Variants in BRINP3 observed in about 807,000 individuals in gnomAD.
BRINP3 encodes the protein BMP/retinoic acid-inducible neural-specific protein 3.
A neutral mutation model predicts 71.0 loss-of-function variants in BRINP3; 19 were observed. The ratio of observed to expected loss-of-function variants is 0.27; its 90% CI spans 0.19 to 0.39. BRINP3 has a LOEUF of 0.39. BRINP3 is among the 10% of genes least tolerant of loss of function. BRINP3 has a pLI of 1.00. For missense variants in BRINP3, 959 were observed against 940.8 expected (o/e 1.02, Z -0.25); for synonymous variants, 380 against 337.7 (o/e 1.13, Z -1.37).
Position 190,098,093 on chromosome 1 carries a change from G to C in BRINP3, c.2226C>G (p.Ile742Met). ...LKLSTSEVVR[I>M]QSALQAFNAK... ...CATTAAACGCCTGCAGAGCAGATTG[G>C]ATCCTCACCACCTCACTAGTAGACA... The change falls in exon 8 of 8, where the codon ATC becomes ATG. Residue 742 changes from isoleucine (I) to methionine (M), a missense_variant. By Grantham distance (10) the Ile-to-Met change is conservative. Coordinates refer to ENST00000367462, the MANE Select transcript of BRINP3 (RefSeq NM_199051.3). 1.2e-6 allele frequency: 2 copies of C among 1,614,150 alleles called. No homozygotes were observed. The highest frequency in any genetic ancestry group is 1.7e-6 in the Non-Finnish European group (2 of 1,180,022).
intron 3 of BRINP3, among the ~76,000 whole-genome samples, chr1:190,278,241 A>C (rs1571611386): frequency 6.6e-6 from 1 of 151,754 alleles, no homozygotes; most frequent in Non-Finnish European, 1.5e-5. Flanking sequence ...CCTAGTCATA[A>C]TACAACTGGC....
chr1:190,297,857 G>T (rs1289781363), intron 2 of BRINP3, among the ~76,000 whole-genome samples: 1 of 149,822 alleles, frequency 6.7e-6, no homozygotes, highest in Non-Finnish European at 1.5e-5. Flanking sequence ...TTGTTATCAG[G>T]GTAACAGTAG....
At chr1:190,320,664 C>T (rs984889216) in intron 2 of BRINP3, among the ~76,000 whole-genome samples, 1 of 151,944 alleles carries the variant, frequency 6.6e-6, no homozygotes, top group African/African-American at 2.4e-5. Flanking sequence ...GTCATAGTCA[C>T]TCCCACCCCC....
chr1:190,277,536 T>C (rs1260792310), intron 3 of BRINP3, among the ~76,000 whole-genome samples: 1 of 151,700 alleles, frequency 6.6e-6, no homozygotes, highest in Admixed American at 6.6e-5. Context: ...TTCCTTAGTG[T>C]TTTGTCTTTT....
rs1478631876 is a variant in BRINP3 at position 190,160,785 on chromosome 1, T to C, written c.1067A>G (p.Glu356Gly). The change falls in exon 7 of 8, where the codon GAA becomes GGA. Residue 356 changes from glutamate to glycine, a missense_variant. Physicochemically the swap from Glu to Gly is moderately conservative, Grantham distance 98. Transcript: ENST00000367462. ...TMDSNFQRRY[E>G]QLENSMKQLF... Reference sequence around the variant, plus strand: ...TTGTTTCATGCTGTTCTCCAGTTGTTCATAACGGCGCTGAAAATTAGAATC... The same window carrying C: ...TTGTTTCATGCTGTTCTCCAGTTGTCCATAACGGCGCTGAAAATTAGAATC... 6.2e-7 allele frequency: 1 copy of C among 1,613,686 alleles called. No homozygotes were observed.
chr1:190,461,719 G>T (rs1371436901), intron 1 of BRINP3, among the ~76,000 whole-genome samples: 3 of 152,054 alleles, frequency 2.0e-5, no homozygotes, highest in East Asian at 3.9e-4. Flanking sequence ...ATAATAAAAA[G>T]AAAATTTATT....
chr1:190,146,258 T>C (rs993333334), intron 7 of BRINP3, among the ~76,000 whole-genome samples: 1 of 152,206 alleles, frequency 6.6e-6, no homozygotes, highest in Non-Finnish European at 1.5e-5. Context: ...TATTAGATTA[T>C]GATAAAATAA....
chr1:190,290,711 T>C (rs982766698), intron 2 of BRINP3, among the ~76,000 whole-genome samples: 5 of 152,160 alleles, frequency 3.3e-5, no homozygotes, highest in Non-Finnish European at 5.9e-5. Context: ...TGTGTGCTCT[T>C]TTTATCTCCT....
In BRINP3 at chr1:190,226,276, A is replaced by G. The variant is rs766847160; in HGVS notation, c.767T>C (p.Val256Ala). The G allele has an allele frequency of 6.2e-7, 1 of 1,610,012 alleles. No individual in the cohort carries two copies. Among genetic ancestry groups the G allele is most frequent in the Admixed American group, 1.7e-5 (1 of 59,400 alleles). ...LLPDYLQERF[V>A]QAALSYIACN... is the part of the protein sequence containing the mutation. ...AGCAATGTAGCTCAAAGCTGCTTGTACAAAACGTTCCTGAAGATAGTCTGG... is the reference window on the plus strand; with the variant it reads ...AGCAATGTAGCTCAAAGCTGCTTGTGCAAAACGTTCCTGAAGATAGTCTGG... Residue 256 changes from valine (V) to alanine (A), a missense_variant, in exon 6 of 8, where the codon GTA (valine) becomes GCA (alanine). By Grantham distance (64) the Val-to-Ala change is moderately conservative. Coordinates refer to ENST00000367462, the MANE Select transcript of BRINP3 (RefSeq NM_199051.3).
chr1:190,212,713 A>G (rs1208603831), intron 6 of BRINP3, among the ~76,000 whole-genome samples: 1 of 152,066 alleles, frequency 6.6e-6, no homozygotes, highest in African/African-American at 2.4e-5. Flanking sequence ...TTAGCTAGAC[A>G]CACATTACAT....
chr1:190,442,448 G>C (rs1674889259), intron 2 of BRINP3, among the ~76,000 whole-genome samples: 1 of 152,088 alleles, frequency 6.6e-6, no homozygotes. Context: ...CCAGGGAACT[G>C]TCCATCACAA....
At position 190,389,039 on chromosome 1, in the gene BRINP3, A is replaced by G. The variant is rs139833753; in HGVS notation, c.236+65616T>C. On this transcript the variant is annotated intron_variant, in intron 2 of 7. Coordinates refer to ENST00000367462, the MANE Select transcript of BRINP3 (RefSeq NM_199051.3). ...AATGCTGAATAAAGGTAAAGTATGAAGTACCTATAAGGTAACTAAGATTAG... is the reference window on the plus strand; with the variant it reads ...AATGCTGAATAAAGGTAAAGTATGAGGTACCTATAAGGTAACTAAGATTAG... Among the ~76,000 whole-genome samples, 4 of 151,926 alleles carry G rather than the reference A, an allele frequency of 2.6e-5. No individual in the cohort carries two copies. The East Asian group carries it at 7.8e-4, about 29-fold the overall frequency.
intron 5 of BRINP3, among the ~76,000 whole-genome samples, 153 bp from the exon 6 acceptor site, chr1:190,226,471 T>C (rs1334262338): frequency 6.6e-6 from 1 of 152,044 alleles, no homozygotes; most frequent in African/African-American, 2.4e-5. Context: ...TCTAAGTCTA[T>C]ATGCTGCAAA....
intron 7 of BRINP3, among the ~76,000 whole-genome samples, chr1:190,147,900 C>T (rs906156556): frequency 1.3e-5 from 2 of 152,196 alleles, no homozygotes; most frequent in African/African-American, 4.8e-5. Flanking sequence ...TAGAAATAAA[C>T]AGGCCTGGAT....
At chr1:190,342,982 C>A (rs1241246440) in intron 2 of BRINP3, among the ~76,000 whole-genome samples, 1 of 151,772 alleles carries the variant, frequency 6.6e-6, no homozygotes, top group Admixed American at 6.6e-5. Context: ...AGGAGGTAGA[C>A]TTCATTCAGT....
intron 2 of BRINP3, among the ~76,000 whole-genome samples, chr1:190,390,975 T>C (rs1449782415): frequency 2.0e-5 from 3 of 151,890 alleles, no homozygotes; most frequent in East Asian, 3.9e-4. Flanking sequence ...TTAGAGTAAT[T>C]CTGAAGTTCT....
intron 2 of BRINP3, among the ~76,000 whole-genome samples, chr1:190,356,596 A>G (rs1212082939): frequency 1.3e-5 from 2 of 151,952 alleles, no homozygotes; most frequent in Non-Finnish European, 2.9e-5. Flanking sequence ...CTATGGTCAC[A>G]TCTTGTTCTC....
chr1:190,234,256 A>C, intron 5 of BRINP3, 116 bp downstream of exon 5: 1 of 525,148 alleles, frequency 1.9e-6, no homozygotes, highest in East Asian at 3.2e-5. Context: ...GCCTTTAATG[A>C]GAGTTTTTAA....
intron 2 of BRINP3, among the ~76,000 whole-genome samples, chr1:190,419,585 A>G (rs1232664468): frequency 6.6e-6 from 1 of 151,924 alleles, no homozygotes; most frequent in Non-Finnish European, 1.5e-5. Flanking sequence ...GATAGCTGAC[A>G]CCAAGTGAAC....
Sources: allele counts gnomAD v4.1 joint callset (sites outside exome capture counted in the v4.1 genomes callset), GRCh38; gene constraint gnomAD v4.1.1; transcripts MANE v1.5; gene names NCBI Gene and HGNC (gene_info 2026-07-23, HGNC 2026-07-21).